Variants in HTR3B observed in about 807,000 individuals in gnomAD.
HTR3B encodes 5-hydroxytryptamine receptor 3B, also known as 5-hydroxytryptamine (serotonin) receptor 3B, ionotropic.
In HTR3B, 44 loss-of-function variants were observed where a neutral mutation model predicts 42.8. The ratio of observed to expected loss-of-function variants is 1.03; its 90% confidence interval spans 0.81 to 1.32. HTR3B has a LOEUF of 1.32. Among genes scored for constraint, HTR3B ranks in the 40% most tolerant of loss-of-function variants. The pLI is 0.00. For missense variants in HTR3B, 527 were observed against 536.5 expected, an observed-to-expected ratio of 0.98 and a Z score of 0.17; for synonymous variants, 203 against 209.0, an observed-to-expected ratio of 0.97 and a Z score of 0.25.
rs79800752 is a variant in HTR3B, at chr11:113,916,240, T to C, written c.213+6785T>C. On this transcript the variant is annotated intron_variant, in intron 2 of 8. Transcript: ENST00000260191. ...TTTGAACATGTTGAACATTTTTTCA[T>C]GTGCTTATTTGCCAATTGCCAACTG... Among the ~76,000 whole-genome samples, 517 of 152,356 alleles carry C rather than the reference T, an allele frequency of 3.4e-3. 1 individual carries two copies. The highest frequency in any genetic ancestry group is 0.011 in the African/African-American group (449 of 41,592).
In HTR3B at chr11:113,904,968, G is replaced by A; in HGVS notation, c.35G>A (p.Cys12Tyr). Residue 12 changes from cysteine (C) to tyrosine (Y), a missense_variant, in exon 1 of 9, where the codon TGC becomes TAC. Physicochemically the swap from Cys to Tyr is radical, Grantham distance 194. Transcript: ENST00000260191. ...AGTGTAATGGCTCCCCTGTGGGCCTGCATCCTGGTGGCTGCAGGTGAGTCC... is the reference window on the plus strand; with the variant it reads ...AGTGTAATGGCTCCCCTGTGGGCCTACATCCTGGTGGCTGCAGGTGAGTCC... ...LSSVMAPLWA[C>Y]ILVAAGILAT... is the part of the protein sequence containing the mutation. The A allele has an allele frequency of 6.2e-7, 1 of 1,613,002 alleles. No individual in the cohort carries two copies. Among genetic ancestry groups the A allele is most frequent in the Non-Finnish European group, 8.5e-7 (1 of 1,179,058 alleles).
At position 113,911,205 on chromosome 11, in the gene HTR3B, C is replaced by T. The variant is rs541408727; in HGVS notation, c.213+1750C>T. Among the ~76,000 whole-genome samples the T allele has an allele frequency of 2.0e-5, 3 of 152,114 alleles. No homozygotes were observed. In the South Asian group the frequency reaches 6.2e-4, roughly 32 times the overall value. ...TAAGTGTACAAGCTGATGAATGTTG[C>T]TAATTACATATACCCATATAACATT... On this transcript the variant is annotated intron_variant, in intron 2 of 8. Transcript: ENST00000260191.
intron 1 of HTR3B, among the ~76,000 whole-genome samples, chr11:113,907,259 G>GGTCTGTTGATAGCTTCCATCAGT (rs1269353939): frequency 1.3e-5 from 2 of 152,116 alleles, no homozygotes; most frequent in African/African-American, 4.8e-5. Context: ...ATCTTTTCTG[G>GGTCTGTTGATAGCTTCCATCAGT]GTCTGTTGAT....
chr11:113,914,808 C>T lies in HTR3B; in HGVS notation c.213+5353C>T, dbSNP rs146253176. On this transcript the variant is annotated intron_variant, in intron 2 of 8. Coordinates refer to ENST00000260191, the MANE Select transcript of HTR3B (RefSeq NM_006028.5). ...TGTTTCCTTCTCAGTTTTCTGAAGGCGTTGTATAATGTGAATATTTTTTCT... is the reference window on the plus strand; with the variant it reads ...TGTTTCCTTCTCAGTTTTCTGAAGGTGTTGTATAATGTGAATATTTTTTCT... Among the ~76,000 whole-genome samples the T allele has an allele frequency of 1.8e-3, 276 of 152,126 alleles. 2 individuals are homozygous for T. Among genetic ancestry groups the T allele is most frequent in the Non-Finnish European group, 1.2e-3 (81 of 68,002 alleles).
At position 113,932,246 on chromosome 11, in the gene HTR3B, A is replaced by C. The variant is rs772078913; in HGVS notation, c.369-43A>C. On this transcript the variant is annotated intron_variant, in intron 4 of 8. Transcript: ENST00000260191. The stretch of plus-strand genomic sequence containing the variant: ...AATCAGCCTATGTTTTGAAATGACC[A>C]ACATCCTCTCTGTGACAACAAGTTC... The C allele has an allele frequency of 3.9e-6, 6 of 1,531,718 alleles. No homozygotes were observed. In the East Asian group the frequency reaches 1.3e-4, roughly 34 times the overall value. The allele number at this position is 1,531,718 out of a possible 1,614,324, so 94.9% of individuals were successfully genotyped here.
rs1009294575 is a variant in HTR3B at position 113,946,901 on chromosome 11, C to T, written c.*764C>T. On this transcript the variant is annotated 3_prime_UTR_variant, in exon 9 of 9. Coordinates refer to ENST00000260191, the MANE Select transcript of HTR3B (RefSeq NM_006028.5). ...ATTATGTTAGGCACACCAGAGAATA[C>T]AAAATAAGTCAGCACAGGTTATTAT... 2.0e-5 allele frequency among the ~76,000 whole-genome samples: 3 copies of T among 152,186 alleles called. No homozygotes were observed. The highest frequency in any genetic ancestry group is 4.4e-5 in the Non-Finnish European group (3 of 68,036).
At chr11:113,901,419 C>T (rs181072585), upstream of HTR3B, among the ~76,000 whole-genome samples, 3 of 144,090 alleles carry the variant, frequency 2.1e-5, no homozygotes. Flanking sequence ...CCAGCCTGGG[C>T]GACAGAGTGA....
intron 2 of HTR3B, among the ~76,000 whole-genome samples, chr11:113,915,388 G>C (rs1949842443): frequency 6.6e-6 from 1 of 152,142 alleles, no homozygotes; most frequent in African/African-American, 2.4e-5. Context: ...GAGTCTCTGG[G>C]ACCCATAATC....
At chr11:113,912,916 T>C (rs966421666) in intron 2 of HTR3B, among the ~76,000 whole-genome samples, 9 of 151,060 alleles carry the variant, frequency 6.0e-5, no homozygotes, top group African/African-American at 2.2e-4. Flanking sequence ...ATTGTTATTA[T>C]AGATTTATAG....
chr11:113,931,642 C>A (rs1950035563), intron 3 of HTR3B, 116 bp from the exon 4 acceptor site: 1 of 721,604 alleles, frequency 1.4e-6, no homozygotes, highest in Admixed American at 2.4e-5. Context: ...TTTCTCCTAA[C>A]AGGTAGAACC....
At position 113,909,969 on chromosome 11, in the gene HTR3B, T is replaced by C. The variant is rs559052706; in HGVS notation, c.213+514T>C. Among the ~76,000 whole-genome samples the C allele has an allele frequency of 2.1e-3, 226 of 106,186 alleles. 1 individual carries two copies. Among genetic ancestry groups the C allele is most frequent in the African/African-American group, 8.0e-3 (210 of 26,230 alleles). 69.7% of individuals were successfully genotyped at this position (106,186 alleles called of 152,430 possible). A position where few individuals can be genotyped will look rare whatever the true frequency, so the allele number is the denominator to read the frequency against. ...ACTGCACTCCAGCCTGGGTAGCAGA[T>C]CCAGACCTTGTCTCCAAAAAAAAAA... is the stretch of plus-strand genomic sequence containing the variant. On this transcript the variant is annotated intron_variant, in intron 2 of 8. Coordinates refer to ENST00000260191, the MANE Select transcript of HTR3B (RefSeq NM_006028.5).
At chr11:113,911,775 G>A (rs1378746116) in intron 2 of HTR3B, among the ~76,000 whole-genome samples, 2 of 151,866 alleles carry the variant, frequency 1.3e-5, no homozygotes, top group African/African-American at 4.8e-5. Flanking sequence ...TGATTTGGCC[G>A]CCTCAGCCTC....
At chr11:113,929,485 T>C (rs57534427) in intron 2 of HTR3B, among the ~76,000 whole-genome samples, 8,041 of 152,182 alleles carry the variant, frequency 0.053, 274 homozygotes, top group African/African-American at 0.081. Flanking sequence ...CTCTCTTCCT[T>C]GTCTTATAAG....
intron 2 of HTR3B, among the ~76,000 whole-genome samples, chr11:113,916,503 CT>C (rs1949855887): frequency 6.6e-6 from 1 of 152,072 alleles, no homozygotes; most frequent in South Asian, 2.1e-4. Context: ...TCTCGTTCTT[CT>C]TTTTAAAAAT....
chr11:113,917,323 G>T lies in HTR3B; in HGVS notation c.213+7868G>T, dbSNP rs372851064. 2.2e-3 allele frequency among the ~76,000 whole-genome samples: 334 copies of T among 151,992 alleles called. 2 individuals carry two copies. The highest frequency in any genetic ancestry group is 7.7e-3 in the African/African-American group (320 of 41,444). On this transcript the variant is annotated intron_variant, in intron 2 of 8. Coordinates refer to ENST00000260191, the MANE Select transcript of HTR3B (RefSeq NM_006028.5). ...AATTTTTCTACTTTTATTAGAGACGGGGTTTCACCATGTTGGCCAGGCTGG... is the reference window on the plus strand; with the variant it reads ...AATTTTTCTACTTTTATTAGAGACGTGGTTTCACCATGTTGGCCAGGCTGG...
At chr11:113,905,086 T>A in intron 1 of HTR3B, 101 bp downstream of exon 1, 1 of 797,854 alleles carries the variant, frequency 1.3e-6, no homozygotes, top group Non-Finnish European at 2.0e-6. Flanking sequence ...CAGGCATGTT[T>A]GTTTTTATTC....
At chr11:113,910,838 T>C (rs1338559591) in intron 2 of HTR3B, among the ~76,000 whole-genome samples, 2 of 151,244 alleles carry the variant, frequency 1.3e-5, no homozygotes, top group African/African-American at 4.9e-5. Context: ...CTTTTCTTTT[T>C]TTTTTTTTTG....
chr11:113,927,745 T>C (rs1256995941), intron 2 of HTR3B, among the ~76,000 whole-genome samples: 1 of 152,038 alleles, frequency 6.6e-6, no homozygotes, highest in Admixed American at 6.6e-5. Flanking sequence ...GTATTTTTAG[T>C]GGAGACGGGG....
rs1165851304 is a variant in HTR3B at position 113,915,243 on chromosome 11, A to T, written c.213+5788A>T. ...CTTTGAGACAGGGTCTCACTCTGTTACTTAGGCTGGAGTGCAGTGGCGTGA... is the reference window on the plus strand; with the variant it reads ...CTTTGAGACAGGGTCTCACTCTGTTTCTTAGGCTGGAGTGCAGTGGCGTGA... On this transcript the variant is annotated intron_variant, in intron 2 of 8. Transcript: ENST00000260191. Among the ~76,000 whole-genome samples, 6 of 152,204 alleles carry T rather than the reference A, an allele frequency of 3.9e-5. No individual in the cohort carries two copies. The East Asian group carries it at 1.2e-3, about 29-fold the overall frequency.
Sources: allele counts gnomAD v4.1 joint callset (sites outside exome capture counted in the v4.1 genomes callset), GRCh38; gene constraint gnomAD v4.1.1; transcripts MANE v1.5; gene names NCBI Gene and HGNC (gene_info 2026-07-23, HGNC 2026-07-21).